FRMD4B: variants seen among roughly 807,000 people sequenced by gnomAD.
FRMD4B encodes FERM domain-containing protein 4B.
FRMD4B carries 74 observed loss-of-function variants against 141.5 expected under a neutral mutation model. That is an observed-to-expected ratio of 0.52 (90% CI 0.43 to 0.63). FRMD4B has a LOEUF of 0.63. FRMD4B is among the 30% of genes least tolerant of loss of function. FRMD4B has a pLI of 0.00. For missense variants in FRMD4B, 1,366 were observed against 1,253.4 expected, an observed-to-expected ratio of 1.09 and a Z score of -1.36; for synonymous variants, 506 against 467.9, an observed-to-expected ratio of 1.08 and a Z score of -1.05.
chr3:69,505,742 G>A (rs978911664), intron 1 of FRMD4B, among the ~76,000 whole-genome samples: 5 of 152,216 alleles, frequency 3.3e-5, no homozygotes, highest in African/African-American at 1.2e-4. Context: ...TGAAGGAAGT[G>A]AAAATTTGTT....
chr3:69,497,915 C>T (rs1191751134), intron 1 of FRMD4B, among the ~76,000 whole-genome samples: 5 of 152,140 alleles, frequency 3.3e-5, no homozygotes. Flanking sequence ...CAGAAACAAT[C>T]CCCCAATGGG....
chr3:69,450,737 A>T (rs1045040198), intron 1 of FRMD4B, among the ~76,000 whole-genome samples: 8 of 151,300 alleles, frequency 5.3e-5, no homozygotes, highest in Non-Finnish European at 1.0e-4. Context: ...TTGGGCGACA[A>T]GAGTGAAACT....
chr3:69,225,314 T>A (rs904586915), intron 7 of FRMD4B, among the ~76,000 whole-genome samples: 18 of 152,020 alleles, frequency 1.2e-4, no homozygotes, highest in African/African-American at 4.3e-4. Context: ...AGGTTAGCTA[T>A]TATCTAATTA....
intron 21 of FRMD4B, among the ~76,000 whole-genome samples, chr3:69,177,050 G>T (rs777372089): frequency 2.8e-4 from 43 of 152,118 alleles, no homozygotes; most frequent in Non-Finnish European, 4.9e-4. Context: ...AAATAATCTA[G>T]GTTGGGGCCA....
At chr3:69,183,522 G>A (rs992711406) in intron 19 of FRMD4B, among the ~76,000 whole-genome samples, 6 of 122,682 alleles carry the variant, frequency 4.9e-5, no homozygotes, top group East Asian at 2.6e-4. Context: ...TTGCTCTGTC[G>A]CCCAGGCTGG....
chr3:69,500,465 A>C (rs916388958), intron 1 of FRMD4B, among the ~76,000 whole-genome samples: 1 of 151,974 alleles, frequency 6.6e-6, no homozygotes, highest in Non-Finnish European at 1.5e-5. Flanking sequence ...CATAGAGGAG[A>C]GTTTCAGTGA....
At chr3:69,232,317 T>C (rs1575637779) in intron 7 of FRMD4B, among the ~76,000 whole-genome samples, 1 of 152,164 alleles carries the variant, frequency 6.6e-6, no homozygotes, top group Non-Finnish European at 1.5e-5. Context: ...CAGAAATTGC[T>C]TCTCTCCATA....
intron 1 of FRMD4B, among the ~76,000 whole-genome samples, chr3:69,540,701 T>C (rs1235147280): frequency 7.2e-6 from 1 of 139,276 alleles, no homozygotes; most frequent in Non-Finnish European, 1.5e-5. Context: ...ACGGCAGTTA[T>C]TGTTATTGTT....
intron 1 of FRMD4B, among the ~76,000 whole-genome samples, chr3:69,530,955 CA>C (rs1451377380): frequency 2.6e-5 from 4 of 152,114 alleles, no homozygotes; most frequent in African/African-American, 9.7e-5. Context: ...AGCAACCGGA[CA>C]GACAGAAATA....
intron 1 of FRMD4B, among the ~76,000 whole-genome samples, chr3:69,442,996 C>G (rs543024769): frequency 2.0e-5 from 3 of 152,308 alleles, no homozygotes; most frequent in East Asian, 3.9e-4. Context: ...AGAGAAGCAT[C>G]TTTTGTTACT....
intron 5 of FRMD4B, among the ~76,000 whole-genome samples, chr3:69,263,378 G>C (rs1300363262): frequency 2.1e-5 from 3 of 143,508 alleles, no homozygotes; most frequent in African/African-American, 7.7e-5. Flanking sequence ...GTTGATGCTA[G>C]TTTGCTAGTT....
intron 1 of FRMD4B, among the ~76,000 whole-genome samples, chr3:69,537,603 T>C (rs1332619741): frequency 6.6e-6 from 1 of 152,262 alleles, no homozygotes; most frequent in African/African-American, 2.4e-5. Flanking sequence ...TCTGCCTTTT[T>C]CTTCTCAGTG....
intron 1 of FRMD4B, among the ~76,000 whole-genome samples, chr3:69,347,704 A>C (rs1372542933): frequency 1.3e-5 from 2 of 152,224 alleles, no homozygotes; most frequent in African/African-American, 4.8e-5. Context: ...AACTATATGG[A>C]AACTGAACAA....
intron 1 of FRMD4B, chr3:69,536,621 A>G (rs1701090650): frequency 2.0e-6 from 2 of 1,002,066 alleles, no homozygotes; most frequent in African/African-American, 1.6e-5. Context: ...TTTCAGATTC[A>G]GGAGACCTGG....
rs1170269319 is a variant in FRMD4B, at chr3:69,181,156, A to G, written c.2594T>C (p.Val865Ala). 6.2e-7 allele frequency: 1 copy of G among 1,613,816 alleles called. No homozygotes were observed. The highest frequency in any genetic ancestry group is 8.5e-7 in the Non-Finnish European group (1 of 1,179,876). ...RSFHEDEVDR[V>A]PHNPYATLRL... is the part of the protein sequence containing the mutation. ...GAGAGTTGCATATGGGTTATGGGGT[A>G]CCCGGTCGACCTCATCTTCGTGAAA... is the stretch of plus-strand genomic sequence containing the variant. The change falls in exon 21 of 23, where the codon GTA (valine) becomes GCA (alanine). Residue 865 changes from valine (V) to alanine (A), a missense_variant. Coordinates refer to ENST00000398540, the MANE Select transcript of FRMD4B (RefSeq NM_015123.3).
chr3:69,269,288 C>T (rs151318838), intron 5 of FRMD4B, among the ~76,000 whole-genome samples: 10 of 151,792 alleles, frequency 6.6e-5, no homozygotes, highest in African/African-American at 1.9e-4. Flanking sequence ...TCAATAACTA[C>T]AAAAACAAGA....
intron 1 of FRMD4B, among the ~76,000 whole-genome samples, chr3:69,346,505 G>C (rs918255831): frequency 3.3e-5 from 5 of 152,050 alleles, no homozygotes; most frequent in African/African-American, 1.2e-4. Context: ...TCCTCGAGAA[G>C]AGCAACTCCA....
At chr3:69,422,447 T>A (rs1704997800) in intron 2 of FRMD4B, among the ~76,000 whole-genome samples, 1 of 151,912 alleles carries the variant, frequency 6.6e-6, no homozygotes, top group South Asian at 2.1e-4. Context: ...ATTTTACTTC[T>A]AGTACTTACC....
intron 1 of FRMD4B, among the ~76,000 whole-genome samples, chr3:69,503,904 T>C (rs956101411): frequency 2.0e-5 from 3 of 152,192 alleles, no homozygotes; most frequent in African/African-American, 7.2e-5. Context: ...TCCTGGTTGT[T>C]GGAGGACTAA....
Sources: gnomAD v4.1 joint callset for allele counts (sites outside exome capture counted in the v4.1 genomes callset) on GRCh38, gnomAD v4.1.1 for gene constraint, MANE v1.5 for transcripts, NCBI Gene and HGNC (gene_info 2026-07-23, HGNC 2026-07-21) for gene names.